CSMD3: variants seen among roughly 807,000 people sequenced by gnomAD.
The protein encoded by CSMD3 is CUB and sushi domain-containing protein 3.
Under a neutral mutation model 435.2 loss-of-function variants are expected in CSMD3, and 177 were observed. The ratio of observed to expected loss-of-function variants is 0.41; its 90% CI spans 0.36 to 0.46. CSMD3 has a LOEUF of 0.46. CSMD3 is among the 20% of genes least tolerant of loss of function. CSMD3 has a pLI of 0.34. For synonymous variants in CSMD3, 1,656 were observed against 1,520.5 expected, an observed-to-expected ratio of 1.09 and a Z score of -2.07; for missense variants, 4,265 against 4,504.6, an observed-to-expected ratio of 0.95 and a Z score of 1.52.
chr8:113,083,363 A>T (rs562883730), intron 5 of CSMD3, among the ~76,000 whole-genome samples: 2 of 152,126 alleles, frequency 1.3e-5, no homozygotes, highest in African/African-American at 4.8e-5. Flanking sequence ...ATAATAATAA[A>T]AAAGCTGTAA....
At chr8:113,262,197 A>T (rs996436582) in intron 3 of CSMD3, among the ~76,000 whole-genome samples, 5 of 152,122 alleles carry the variant, frequency 3.3e-5, no homozygotes, top group African/African-American at 1.2e-4. Context: ...AACCTATAAG[A>T]GGAAGTACAA....
chr8:112,525,796 G>GTATATA (rs563394357), intron 27 of CSMD3, among the ~76,000 whole-genome samples: 2 of 116,120 alleles, frequency 1.7e-5, no homozygotes, highest in African/African-American at 7.1e-5. Flanking sequence ...ATATATATAT[G>GTATATA]TATATATATA....
At chr8:112,296,700 TAAG>T (rs1230654845) in intron 53 of CSMD3, among the ~76,000 whole-genome samples, 2 of 151,972 alleles carry the variant, frequency 1.3e-5, no homozygotes, top group African/African-American at 4.8e-5. Flanking sequence ...AACTCCATGT[TAAG>T]AAGAAGCAAG....
intron 5 of CSMD3, among the ~76,000 whole-genome samples, chr8:113,078,169 A>C (rs1375378106): frequency 7.9e-5 from 12 of 152,194 alleles, no homozygotes; most frequent in Admixed American, 7.9e-4. Flanking sequence ...CAGGAATGTC[A>C]TTTATGCAGA....
chr8:113,299,338 G>T (rs1445404842), intron 2 of CSMD3, among the ~76,000 whole-genome samples: 1 of 152,040 alleles, frequency 6.6e-6, no homozygotes, highest in Non-Finnish European at 1.5e-5. Flanking sequence ...TGAAAAATAT[G>T]TGTAGAATAG....
At chr8:112,315,457 A>G (rs1220524259) in intron 47 of CSMD3, among the ~76,000 whole-genome samples, 2 of 151,880 alleles carry the variant, frequency 1.3e-5, no homozygotes, top group African/African-American at 4.8e-5. Flanking sequence ...CTTTTTACTC[A>G]AATTATGCCA....
At chr8:113,305,263 G>A (rs1270624805) in intron 2 of CSMD3, among the ~76,000 whole-genome samples, 1 of 151,978 alleles carries the variant, frequency 6.6e-6, no homozygotes, top group Non-Finnish European at 1.5e-5. Flanking sequence ...TAACTAATCT[G>A]CACATTGTAC....
intron 13 of CSMD3, among the ~76,000 whole-genome samples, chr8:112,760,806 A>T (rs12114545): frequency 0.33 from 50,571 of 151,930 alleles, 9,279 homozygotes; most frequent in African/African-American, 0.5. Context: ...CTTTTAGGGG[A>T]GGGATAGCCC....
chr8:112,303,251 T>C (rs1208405033), intron 52 of CSMD3, among the ~76,000 whole-genome samples: 1 of 152,124 alleles, frequency 6.6e-6, no homozygotes, highest in African/African-American at 2.4e-5. Context: ...CTTGGAGGAC[T>C]AGTACAAAAA....
intron 25 of CSMD3, among the ~76,000 whole-genome samples, chr8:112,555,631 T>C (rs1210138630): frequency 6.6e-6 from 1 of 152,054 alleles, no homozygotes. Context: ...CATGTTGTTT[T>C]CTGCATGAAT....
intron 2 of CSMD3, among the ~76,000 whole-genome samples, chr8:113,296,946 A>C (rs531782191): frequency 6.6e-6 from 1 of 152,312 alleles, no homozygotes; most frequent in Admixed American, 6.5e-5. Flanking sequence ...GCGAAAAAAT[A>C]AAGCATTTAT....
chr8:112,553,744 G>A (rs982911236), intron 25 of CSMD3, among the ~76,000 whole-genome samples: 1 of 151,854 alleles, frequency 6.6e-6, no homozygotes, highest in African/African-American at 2.4e-5. Context: ...GACCAAAGAA[G>A]GTCAAAGCAG....
chr8:112,573,700 TAATC>T, intron 23 of CSMD3, 43 bp from the exon 24 acceptor site: 2 of 1,409,378 alleles, frequency 1.4e-6, no homozygotes, highest in Non-Finnish European at 1.0e-6. Context: ...GTGCCAATAA[TAATC>T]AATTCAGAGC....
At chr8:112,542,036 A>G (rs1826712395) in intron 27 of CSMD3, among the ~76,000 whole-genome samples, 1 of 152,058 alleles carries the variant, frequency 6.6e-6, no homozygotes, top group Admixed American at 6.6e-5. Flanking sequence ...ATAATGGATT[A>G]AGATCACATG....
intron 38 of CSMD3, among the ~76,000 whole-genome samples, chr8:112,367,712 T>G (rs1201679220): frequency 6.6e-6 from 1 of 152,204 alleles, no homozygotes; most frequent in African/African-American, 2.4e-5. Flanking sequence ...ATTCTCACCA[T>G]GTAATGCATA....
intron 21 of CSMD3, among the ~76,000 whole-genome samples, chr8:112,638,223 TATTA>T (rs1333010945): frequency 6.7e-6 from 1 of 148,526 alleles, no homozygotes; most frequent in Non-Finnish European, 1.5e-5. Flanking sequence ...TATAATTTAT[TATTA>T]ATTAATTAAG....
intron 13 of CSMD3, among the ~76,000 whole-genome samples, chr8:112,777,766 A>G (rs1329351396): frequency 6.6e-6 from 1 of 151,844 alleles, no homozygotes; most frequent in Non-Finnish European, 1.5e-5. Flanking sequence ...TGCCTCCAAC[A>G]TATATTTAAT....
intron 31 of CSMD3, among the ~76,000 whole-genome samples, chr8:112,485,673 T>C (rs1186834015): frequency 6.6e-6 from 1 of 152,170 alleles, no homozygotes; most frequent in Non-Finnish European, 1.5e-5. Context: ...GTAAGGCATA[T>C]GAATAATTGG....
chr8:113,107,813 C>T (rs1006943197), intron 4 of CSMD3, among the ~76,000 whole-genome samples: 9 of 152,048 alleles, frequency 5.9e-5, no homozygotes, highest in African/African-American at 1.9e-4. Context: ...TGTCTGCCTC[C>T]CTCTCACTGT....
Sources: gnomAD v4.1 joint callset for allele counts (sites outside exome capture counted in the v4.1 genomes callset) on GRCh38, gnomAD v4.1.1 for gene constraint, MANE v1.5 for transcripts, NCBI Gene and HGNC (gene_info 2026-07-23, HGNC 2026-07-21) for gene names.